GRIA2: variants seen among roughly 807,000 people sequenced by gnomAD.
The protein encoded by GRIA2 is glutamate receptor 2.
In GRIA2, 14 loss-of-function variants were observed where a neutral mutation model predicts 97.3. That is an observed-to-expected ratio of 0.14 (90% CI 0.10 to 0.23). GRIA2 has a LOEUF of 0.23. Among genes scored for constraint, GRIA2 ranks in the 10% least tolerant of loss-of-function variants. GRIA2 has a pLI of 1.00. For missense variants in GRIA2, 558 were observed against 1,069.8 expected (o/e 0.52, Z 6.67); for synonymous variants, 412 against 387.8 (o/e 1.06, Z -0.73).
intron 2 of GRIA2, among the ~76,000 whole-genome samples, chr4:157,271,530 G>C (rs1034430067): frequency 6.6e-6 from 1 of 152,076 alleles, no homozygotes; most frequent in Non-Finnish European, 1.5e-5. Context: ...GAGACACATA[G>C]GGTGAGGTAT....
chr4:157,238,407 G>A (rs1363426299), intron 2 of GRIA2, among the ~76,000 whole-genome samples: 1 of 152,116 alleles, frequency 6.6e-6, no homozygotes, highest in Non-Finnish European at 1.5e-5. Context: ...GAGCATTAAA[G>A]TGGAAAGATT....
rs373192580 is a variant in GRIA2 at position 157,299,988 on chromosome 4, C to T, written c.230-3564C>T. On this transcript the variant is annotated intron_variant, in intron 2 of 15. Transcript: ENST00000264426. ...ATGAGGATTCATGTTTCTTTCTTTG[C>T]CTCCAGATGTGACTATATAGGGTGT... Among the ~76,000 whole-genome samples, 3 of 152,026 alleles carry T rather than the reference C, an allele frequency of 2.0e-5. 1 individual carries two copies. Among genetic ancestry groups the T allele is most frequent in the East Asian group, 1.9e-4 (1 of 5,148 alleles).
rs996244131 is a variant in GRIA2, at chr4:157,312,069, A to G, written c.470-610A>G. 3.3e-5 allele frequency among the ~76,000 whole-genome samples: 5 copies of G among 152,028 alleles called. No homozygotes were observed. In the East Asian group the frequency reaches 7.7e-4, roughly 23 times the overall value. The stretch of plus-strand genomic sequence containing the variant: ...ATCTGGTTAATAGGTGACCACTTCA[A>G]TTTCTCTGGGATCATTCCCAATAAC... On this transcript the variant is annotated intron_variant, in intron 3 of 15. Coordinates refer to ENST00000264426, the MANE Select transcript of GRIA2 (RefSeq NM_001083619.3).
chr4:157,318,130 C>G (rs1734407803), intron 5 of GRIA2, among the ~76,000 whole-genome samples: 1 of 152,014 alleles, frequency 6.6e-6, no homozygotes, highest in Non-Finnish European at 1.5e-5. Context: ...ATTTGACAAG[C>G]TTCATAAATT....
At chr4:157,305,580 C>T (rs564746344) in intron 3 of GRIA2, among the ~76,000 whole-genome samples, 1 of 152,252 alleles carries the variant, frequency 6.6e-6, no homozygotes, top group African/African-American at 2.4e-5. Context: ...CTTGCTCACT[C>T]ATTAAAGGTA....
At chr4:157,289,011 G>T (rs1015165348) in intron 2 of GRIA2, among the ~76,000 whole-genome samples, 2 of 151,730 alleles carry the variant, frequency 1.3e-5, no homozygotes, top group African/African-American at 4.8e-5. Context: ...TGTTTTTAGC[G>T]TTAACCTTCC....
At chr4:157,266,989 G>C (rs1464121233) in intron 2 of GRIA2, among the ~76,000 whole-genome samples, 2 of 151,884 alleles carry the variant, frequency 1.3e-5, no homozygotes, top group Non-Finnish European at 2.9e-5. Context: ...TAGGCAGAAG[G>C]ATCACTTGAG....
Position 157,332,842 on chromosome 4 carries a change from T to C in GRIA2, c.906T>C (p.Asp302=). ...TIKYTSALTY[D]AVQVMTEAFR... is the part of the protein sequence containing the mutation. Reference sequence around the variant, plus strand: ...AGTATACTTCTGCTCTGACCTATGATGCCGTTCAAGTGATGACTGAAGCCT... The same window carrying C: ...AGTATACTTCTGCTCTGACCTATGACGCCGTTCAAGTGATGACTGAAGCCT... Residue 302 remains aspartate (D), a synonymous_variant, in exon 7 of 16, where the codon GAT becomes GAC. Transcript: ENST00000264426. 2 of 1,612,516 alleles carry C rather than the reference T, an allele frequency of 1.2e-6. No individual in the cohort carries two copies. The highest frequency in any genetic ancestry group is 1.7e-6 in the Non-Finnish European group (2 of 1,178,870).
At chr4:157,238,937 G>A (rs765232273) in intron 2 of GRIA2, among the ~76,000 whole-genome samples, 3 of 151,816 alleles carry the variant, frequency 2.0e-5, no homozygotes, top group Non-Finnish European at 4.4e-5. Context: ...ATTTATTATT[G>A]CACACTTATG....
chr4:157,336,298 C>A (rs577962914), intron 10 of GRIA2, 79 bp from the exon 11 acceptor site: 1 of 1,145,236 alleles, frequency 8.7e-7, no homozygotes, highest in Non-Finnish European at 1.2e-6. Flanking sequence ...TCTCCTTTTT[C>A]TTTGATCCAG....
chr4:157,274,832 A>G (rs1003502413), intron 2 of GRIA2, among the ~76,000 whole-genome samples: 3 of 151,784 alleles, frequency 2.0e-5, no homozygotes, highest in Admixed American at 6.6e-5. Context: ...AAACATACGT[A>G]TGCATGTGTC....
rs1043821151 is a variant in GRIA2 at position 157,301,674 on chromosome 4, T to C, written c.230-1878T>C. Among the ~76,000 whole-genome samples, 6 of 152,260 alleles carry C rather than the reference T, an allele frequency of 3.9e-5. No individual in the cohort carries two copies. In the East Asian group the frequency reaches 1.2e-3, roughly 29 times the overall value. On this transcript the variant is annotated intron_variant, in intron 2 of 15. Transcript: ENST00000264426. ...GCAATGCTCGTATTCATGAAACAAA[T>C]CTATTTTTTCTACAGACCATCTATT...
chr4:157,251,431 C>T (rs976160744), intron 2 of GRIA2, among the ~76,000 whole-genome samples: 6 of 152,048 alleles, frequency 3.9e-5, no homozygotes, highest in African/African-American at 7.2e-5. Flanking sequence ...TTTTAGATGT[C>T]GTTCAGCCCA....
At chr4:157,345,165 A>G (rs1735715042) in intron 12 of GRIA2, among the ~76,000 whole-genome samples, 1 of 152,096 alleles carries the variant, frequency 6.6e-6, no homozygotes, top group East Asian at 1.9e-4. Context: ...GGAGAAGTTC[A>G]ATTTAAGCTG....
chr4:157,248,780 C>CTATA (rs36210142), intron 2 of GRIA2, among the ~76,000 whole-genome samples: 33 of 122,338 alleles, frequency 2.7e-4, no homozygotes, highest in African/African-American at 9.7e-4. Flanking sequence ...CTTTCTTTCA[C>CTATA]TATATATATA....
chr4:157,286,066 T>C (rs898754408), intron 2 of GRIA2, among the ~76,000 whole-genome samples: 15 of 151,530 alleles, frequency 9.9e-5, no homozygotes, highest in African/African-American at 3.4e-4. Context: ...TTAAACTGTT[T>C]CTATGTATCA....
rs781705695 is a variant in GRIA2, at chr4:157,336,650, A to G, written c.1747A>G (p.Thr583Ala). The G allele has an allele frequency of 1.2e-6, 2 of 1,613,194 alleles. No individual in the cohort carries two copies. The highest frequency in any genetic ancestry group is 1.3e-5 in the African/African-American group (1 of 74,872). Residue 583 changes from threonine (T) to alanine (A), a missense_variant, in exon 11 of 16, where the codon ACA (threonine) becomes GCA (alanine). By Grantham distance (58) the Thr-to-Ala change is moderately conservative. This residue lies in a region of GRIA2 where 125 missense variants were observed against 310.2 expected (regional missense o/e 0.40). Coordinates refer to ENST00000264426, the MANE Select transcript of GRIA2 (RefSeq NM_001083619.3). ...HTEEFEDGRE[T>A]QSSESTNEFG... ...TGAGGAGTTTGAAGATGGAAGAGAA[A>G]CACAAAGTAGTGAATCAACTAATGA...
At chr4:157,312,164 A>G (rs767719509) in intron 3 of GRIA2, among the ~76,000 whole-genome samples, 2 of 152,092 alleles carry the variant, frequency 1.3e-5, no homozygotes, top group Non-Finnish European at 2.9e-5. Context: ...CTTGAAAACA[A>G]TAGGAGAAAA....
chr4:157,221,543 G>A, intron 1 of GRIA2, 124 bp from the exon 2 acceptor site: 1 of 954,598 alleles, frequency 1.0e-6, no homozygotes, highest in Non-Finnish European at 1.6e-6. Flanking sequence ...GAGTCCGTAG[G>A]TGTGTTTATT....
Sources: gnomAD v4.1 joint callset for allele counts (sites outside exome capture counted in the v4.1 genomes callset) on GRCh38, gnomAD v4.1.1 for gene constraint, gnomAD v4.1.1 regional missense constraint, MANE v1.5 for transcripts, NCBI Gene and HGNC (gene_info 2026-07-23, HGNC 2026-07-21) for gene names.